The following A1BG variants were observed in gnomAD, a reference collection of about 807,000 sequenced individuals.
The protein encoded by A1BG is alpha-1-B glycoprotein, also known as alpha-1B-glycoprotein.
In A1BG, 44 loss-of-function variants were observed where a neutral mutation model predicts 46.0. That is an observed-to-expected ratio of 0.96 (90% CI 0.75 to 1.23). The LOEUF (loss-of-function observed/expected upper bound fraction) is 1.23. Among genes scored for constraint, A1BG ranks in the 50% most tolerant of loss-of-function variants. A1BG has a pLI of 0.00. For synonymous variants in A1BG, 316 were observed against 314.7 expected, an observed-to-expected ratio of 1.00 and a Z score of -0.04; for missense variants, 707 against 688.8, an observed-to-expected ratio of 1.03 and a Z score of -0.30.
chr19:58,347,768 T>G, intron 6 of A1BG, 128 bp from the exon 7 acceptor site: 1 of 551,172 alleles, frequency 1.8e-6, no homozygotes, highest in Non-Finnish European at 2.7e-6. Context: ...CCCTGTCTTG[T>G]TCCTGGGCGC....
At position 58,350,634 on chromosome 19, in the gene A1BG, C is replaced by G. The variant is rs1465796500; in HGVS notation, c.928G>C (p.Glu310Gln). ...ILSDETLPAP[E>Q]FSPEPESGRA... ...CCGGACTCCGGCTCCGGGGAGAACT[C>G]CGGCGCGGGCAGCGTCTCTGCGGAG... The change falls in exon 6 of 8, where the codon GAG (glutamate) becomes CAG (glutamine). Residue 310 changes from glutamate to glutamine, a missense_variant. Coordinates refer to ENST00000263100, the MANE Select transcript of A1BG (RefSeq NM_130786.4). 1.4e-6 allele frequency: 2 copies of G among 1,417,566 alleles called. No individual in the cohort carries two copies. The highest frequency in any genetic ancestry group is 5.6e-5 in the East Asian group (2 of 35,614). The allele number at this position is 1,417,566 out of a possible 1,614,324, so 87.8% of individuals were successfully genotyped here.
At position 58,346,903 on chromosome 19, in the gene A1BG, G is replaced by A; in HGVS notation, c.*119C>T. On this transcript the variant is annotated 3_prime_UTR_variant, in exon 8 of 8. Coordinates refer to ENST00000263100, the MANE Select transcript of A1BG (RefSeq NM_130786.4). ...TTTATTAATTCCTGGGAGGAATGAGGGAGGCTTCTCCAGCCCCCCAGAGAC... is the reference window on the plus strand; with the variant it reads ...TTTATTAATTCCTGGGAGGAATGAGAGAGGCTTCTCCAGCCCCCCAGAGAC... 1 of 1,037,550 alleles carries A rather than the reference G, an allele frequency of 9.6e-7. No individual in the cohort carries two copies. The highest frequency in any genetic ancestry group is 1.5e-6 in the Non-Finnish European group (1 of 653,890). 64.3% of individuals were successfully genotyped at this position (1,037,550 alleles called of 1,614,324 possible).
At chr19:58,351,276 A>T in intron 5 of A1BG, 115 bp downstream of exon 5, 1 of 1,320,544 alleles carries the variant, frequency 7.6e-7, no homozygotes. Context: ...TGGGCGGATA[A>T]AGTTGGTATT....
At position 58,350,439 on chromosome 19, in the gene A1BG, C is replaced by T. The variant is rs902106978; in HGVS notation, c.1123G>A (p.Val375Ile). 3.2e-6 allele frequency: 5 copies of T among 1,552,346 alleles called. No homozygotes were observed. In the Admixed American group the frequency reaches 7.8e-5, roughly 24 times the overall value. ...AAAGGCGGCTTCAGGTCCACGTAGA[C>T]GCAGCTGTAGTTGGCGGAGTCAGCC... The part of the protein sequence containing the change: ...SVADSANYSC[V>I]YVDLKPPFGG... The change falls in exon 6 of 8, where the codon GTC (valine) becomes ATC (isoleucine). Residue 375 changes from valine to isoleucine, a missense_variant. Val to Ile is a conservative substitution (Grantham distance 29). Transcript: ENST00000263100.
At position 58,349,881 on chromosome 19, in the gene A1BG, A is replaced by G. The variant is rs192544883; in HGVS notation, c.1192+489T>C. Reference sequence around the variant, plus strand: ...GCTCCCAGCAAAGGGTACGACCTCAAGATCTGGAGGTCAGACCTGTGCCCT... The same window carrying G: ...GCTCCCAGCAAAGGGTACGACCTCAGGATCTGGAGGTCAGACCTGTGCCCT... On this transcript the variant is annotated intron_variant, in intron 6 of 7. Transcript: ENST00000263100. 210 of 154,164 alleles carry G rather than the reference A, an allele frequency of 1.4e-3. 1 individual carries two copies. The Middle Eastern group carries it at 0.02, about 14-fold the overall frequency. The allele number at this position is 154,164 out of a possible 1,614,324, so 9.5% of individuals were successfully genotyped here.
In A1BG at chr19:58,347,604, C is replaced by T. The variant is rs1177387037; in HGVS notation, c.1229G>A (p.Ser410Asn). The T allele has an allele frequency of 8.0e-6, 12 of 1,491,760 alleles. No individual in the cohort carries two copies. The highest frequency in any genetic ancestry group is 3.6e-6 in the Non-Finnish European group (4 of 1,125,812). The allele number at this position is 1,491,760 out of a possible 1,614,324, so 92.4% of individuals were successfully genotyped here. ...ATCTCGGCCCGCCAGGACCGCCCCACTCCACGTCGCCCGGAGCTGAGGCCT... is the reference window on the plus strand; with the variant it reads ...ATCTCGGCCCGCCAGGACCGCCCCATTCCACGTCGCCCGGAGCTGAGGCCT... Reference protein sequence around the residue: ...PPRPQLRATWSGAVLAGRDAV... With the variant: ...PPRPQLRATWNGAVLAGRDAV... Residue 410 changes from serine to asparagine, a missense_variant, in exon 7 of 8, where the codon AGT (serine) becomes AAT (asparagine). By Grantham distance (46) the Ser-to-Asn change is conservative. Transcript: ENST00000263100.
chr19:58,347,085 C>G, intron 7 of A1BG, 56 bp from the exon 8 acceptor site: 5 of 1,606,218 alleles, frequency 3.1e-6, no homozygotes, highest in Non-Finnish European at 3.4e-6. Context: ...ATGCCCTCCT[C>G]CTCGCGGAAA....
intron 5 of A1BG, chr19:58,351,159 GC>G: frequency 1.7e-6 from 1 of 605,556 alleles, no homozygotes; most frequent in Non-Finnish European, 2.9e-6. Flanking sequence ...GCCAGGTGGT[GC>G]CCCCTGTGGC....
chr19:58,351,915 C>T, intron 4 of A1BG: 1 of 702,208 alleles, frequency 1.4e-6, no homozygotes, highest in Non-Finnish European at 2.3e-6. Context: ...CCTGCCTCAG[C>T]CTCCTGAGTA....
intron 6 of A1BG, 146 bp downstream of exon 6, chr19:58,350,224 C>A: frequency 9.3e-7 from 1 of 1,077,372 alleles, no homozygotes; most frequent in Non-Finnish European, 1.3e-6. Flanking sequence ...GACCACCGAT[C>A]GCCTGCTCCC....
chr19:58,347,163 T>A, intron 7 of A1BG, 134 bp from the exon 8 acceptor site: 1 of 1,346,626 alleles, frequency 7.4e-7, no homozygotes, highest in African/African-American at 1.5e-5. Context: ...GAGACCCCCA[T>A]CTGCGCCTCC....
At chr19:58,350,951 T>G in intron 5 of A1BG, 1 of 429,756 alleles carries the variant, frequency 2.3e-6, no homozygotes, top group South Asian at 4.8e-5. Context: ...CAGTAGTGGA[T>G]TTGCTCCACG....
chr19:58,353,394 GA>G lies in A1BG; in HGVS notation c.34+9del. On this transcript the variant is annotated intron_variant, in intron 1 of 7. Transcript: ENST00000263100. ...CCCGCCCCAGGGACCCAGACCCCAGGAGGCCTCACCCCACAGCAAGAGAAAG... is the reference window on the plus strand; with the variant it reads ...CCCGCCCCAGGGACCCAGACCCCAGGGGCCTCACCCCACAGCAAGAGAAAG... 6.2e-7 allele frequency: 1 copy of G among 1,612,720 alleles called. No individual in the cohort carries two copies. The highest frequency in any genetic ancestry group is 8.5e-7 in the Non-Finnish European group (1 of 1,179,504).
At position 58,352,934 on chromosome 19, in the gene A1BG, C is replaced by G; in HGVS notation, c.334G>C (p.Gly112Arg). 6.2e-7 allele frequency: 1 copy of G among 1,612,186 alleles called. No individual in the cohort carries two copies. Among genetic ancestry groups the G allele is most frequent in the Non-Finnish European group, 8.5e-7 (1 of 1,179,308 alleles). ...AATTCATGCCCCGGCTCACTTGGCCCTGTCAGCTCCAGGAGCTTGCTCAGC... is the reference window on the plus strand; with the variant it reads ...AATTCATGCCCCGGCTCACTTGGCCGTGTCAGCTCCAGGAGCTTGCTCAGC... ...TQLSKLLELT[G>R]PKSLPAPWLS... Residue 112 changes from glycine (G) to arginine (R), a missense_variant, in exon 3 of 8, where the codon GGG (glycine) becomes CGG (arginine). Coordinates refer to ENST00000263100, the MANE Select transcript of A1BG (RefSeq NM_130786.4).
At position 58,350,413 on chromosome 19, in the gene A1BG, G is replaced by C; in HGVS notation, c.1149C>G (p.Phe383Leu). 6.5e-7 allele frequency: 1 copy of C among 1,550,166 alleles called. No individual in the cohort carries two copies. Among genetic ancestry groups the C allele is most frequent in the Non-Finnish European group, 8.7e-7 (1 of 1,146,762 alleles). ...SCVYVDLKPPFGGSAPSERLE... is the reference protein window; with the variant it reads ...SCVYVDLKPPLGGSAPSERLE... Reference sequence around the variant, plus strand: ...AGCGCTCGCTGGGCGCGGAGCCCCCGAAAGGCGGCTTCAGGTCCACGTAGA... The same window carrying C: ...AGCGCTCGCTGGGCGCGGAGCCCCCCAAAGGCGGCTTCAGGTCCACGTAGA... Residue 383 changes from phenylalanine to leucine, a missense_variant, in exon 6 of 8, where the codon TTC becomes TTG. Phe to Leu is a conservative substitution (Grantham distance 22). Coordinates refer to ENST00000263100, the MANE Select transcript of A1BG (RefSeq NM_130786.4).
intron 6 of A1BG, among the ~76,000 whole-genome samples, chr19:58,348,307 G>A (rs916272780): frequency 5.3e-5 from 8 of 152,252 alleles, no homozygotes; most frequent in African/African-American, 1.7e-4. Flanking sequence ...AGCCAAGATT[G>A]CGCCACTGCA....
Position 58,351,485 on chromosome 19 carries a change from C to T in A1BG, c.816G>A (p.Gly272=). 6.2e-7 allele frequency: 1 copy of T among 1,613,754 alleles called. No homozygotes were observed. Among genetic ancestry groups the T allele is most frequent in the Non-Finnish European group, 8.5e-7 (1 of 1,180,012 alleles). Residue 272 remains glycine (G), a synonymous_variant, in exon 5 of 8, where the codon GGG becomes GGA. Transcript: ENST00000263100. ...AGCGGCAGGTGTAGTGACCTCCATC[C>T]CCCAGGGCCACCGCGTTCAGGTGAA... The part of the protein sequence containing the change: ...IFFHLNAVAL[G]DGGHYTCRYR...
chr19:58,352,162 T>C (rs762850290), intron 4 of A1BG, 121 bp downstream of exon 4: 3 of 1,516,116 alleles, frequency 2.0e-6, no homozygotes, highest in Non-Finnish European at 2.6e-6. Flanking sequence ...GGCAACCGTG[T>C]GGCCAGCTTC....
intron 3 of A1BG, 55 bp from the exon 4 acceptor site, chr19:58,352,610 C>G: frequency 6.4e-7 from 1 of 1,567,384 alleles, no homozygotes; most frequent in Non-Finnish European, 8.6e-7. Flanking sequence ...ACGTGGGAAG[C>G]CCAGCAGAAC....
Sources: gnomAD v4.1 joint callset for allele counts (sites outside exome capture counted in the v4.1 genomes callset) on GRCh38, gnomAD v4.1.1 for gene constraint, MANE v1.5 for transcripts, NCBI Gene and HGNC (gene_info 2026-07-23, HGNC 2026-07-21) for gene names.